GABRG3: variants seen among roughly 807,000 people sequenced by gnomAD.
GABRG3 encodes gamma-aminobutyric acid type A receptor subunit gamma3, also known as gamma-aminobutyric acid receptor subunit gamma-3.
In GABRG3, 25 loss-of-function variants were observed where a neutral mutation model predicts 48.8. The observed-to-expected ratio is 0.51, with a 90% CI of 0.37 to 0.72. GABRG3 has a LOEUF of 0.72. Among genes scored for constraint, GABRG3 ranks in the 30% least tolerant of loss-of-function variants. GABRG3 has a pLI of 0.00. For synonymous variants in GABRG3, 227 were observed against 217.6 expected (o/e 1.04, Z -0.38); for missense variants, 394 against 577.9 (o/e 0.68, Z 3.26).
intron 5 of GABRG3, among the ~76,000 whole-genome samples, chr15:27,418,300 C>G (rs1888004567): frequency 6.6e-6 from 1 of 152,176 alleles, no homozygotes; most frequent in South Asian, 2.1e-4. Context: ...GGAGCAATCT[C>G]CTGGGAATTA....
chr15:27,071,542 C>T (rs1256272804), intron 3 of GABRG3, among the ~76,000 whole-genome samples: 7 of 152,322 alleles, frequency 4.6e-5, no homozygotes, highest in South Asian at 2.1e-4. Context: ...CTTTCAGTAC[C>T]GTGTCCATAG....
At chr15:27,386,199 T>C (rs934555294) in intron 5 of GABRG3, among the ~76,000 whole-genome samples, 3 of 152,200 alleles carry the variant, frequency 2.0e-5, no homozygotes, top group African/African-American at 4.8e-5. Context: ...CACACTTTAC[T>C]GGTGACAACT....
intron 5 of GABRG3, among the ~76,000 whole-genome samples, chr15:27,450,733 G>C (rs57856249): frequency 1.3e-4 from 20 of 151,834 alleles, no homozygotes; most frequent in South Asian, 4.2e-4. Context: ...TGTCGGGGGT[G>C]GGGGGGTGGC....
At position 27,499,086 on chromosome 15, in the gene GABRG3, G is replaced by A. The variant is rs1247300095; in HGVS notation, c.712+18299G>A. Among the ~76,000 whole-genome samples, 5 of 152,056 alleles carry A rather than the reference G, an allele frequency of 3.3e-5. No individual in the cohort carries two copies. The East Asian group carries it at 5.8e-4, about 18-fold the overall frequency. The stretch of plus-strand genomic sequence containing the variant: ...CAGTGGTGCTAAGGGCGGTGTTTTC[G>A]GCATCCCAAGATAACCAACCTCATA... On this transcript the variant is annotated intron_variant, in intron 6 of 9. Transcript: ENST00000615808.
intron 3 of GABRG3, among the ~76,000 whole-genome samples, chr15:27,254,413 AT>A (rs1485701251): frequency 6.6e-6 from 1 of 151,016 alleles, no homozygotes; most frequent in Non-Finnish European, 1.5e-5. Flanking sequence ...AGGGAGTTGC[AT>A]TTTCTAGTTT....
intron 5 of GABRG3, among the ~76,000 whole-genome samples, chr15:27,403,350 T>C (rs1468723666): frequency 6.6e-6 from 1 of 152,120 alleles, no homozygotes; most frequent in Non-Finnish European, 1.5e-5. Flanking sequence ...AGCAATGATG[T>C]TGGAAGCAAT....
intron 3 of GABRG3, among the ~76,000 whole-genome samples, chr15:27,145,432 G>A (rs1280219384): frequency 6.6e-6 from 1 of 152,120 alleles, no homozygotes; most frequent in Non-Finnish European, 1.5e-5. Context: ...GTACTCAACA[G>A]CAGATGTGAA....
At chr15:27,256,644 G>A (rs1890631299) in intron 3 of GABRG3, among the ~76,000 whole-genome samples, 1 of 152,028 alleles carries the variant, frequency 6.6e-6, no homozygotes, top group African/African-American at 2.4e-5. Context: ...TTAACAAAAC[G>A]TGGTCAGTTG....
intron 3 of GABRG3, among the ~76,000 whole-genome samples, chr15:27,191,816 A>G (rs1446914538): frequency 2.7e-5 from 4 of 149,824 alleles, no homozygotes; most frequent in African/African-American, 9.8e-5. Flanking sequence ...GTTTCTTCCT[A>G]GTCTCGATGG....
At chr15:26,980,783 C>T (rs903181191) in intron 2 of GABRG3, among the ~76,000 whole-genome samples, 1 of 151,568 alleles carries the variant, frequency 6.6e-6, no homozygotes, top group African/African-American at 2.4e-5. Flanking sequence ...TAATTTCATC[C>T]CATGAATTTT....
In GABRG3 at chr15:27,325,885, G is replaced by A. The variant is rs540402661; in HGVS notation, c.271-924G>A. On this transcript the variant is annotated intron_variant, in intron 3 of 9. Transcript: ENST00000615808. ...TTGAGAATCAAAAAATTCAGACTCT[G>A]CAAAAGTAATATGTTTATAATATCT... Among the ~76,000 whole-genome samples the A allele has an allele frequency of 2.6e-5, 4 of 152,282 alleles. No individual in the cohort carries two copies. The South Asian group carries it at 8.3e-4, about 32-fold the overall frequency.
intron 3 of GABRG3, among the ~76,000 whole-genome samples, chr15:27,137,020 C>G (rs948419011): frequency 1.3e-5 from 2 of 152,242 alleles, no homozygotes; most frequent in Non-Finnish European, 2.9e-5. Flanking sequence ...CAAGCCCCAG[C>G]TCTCGCCGCT....
rs368319222 is a variant in GABRG3, at chr15:26,976,864, G to C, written c.54-138G>C. 1.7e-5 allele frequency: 12 copies of C among 709,704 alleles called. No individual in the cohort carries two copies. Among genetic ancestry groups the C allele is most frequent in the Admixed American group, 3.0e-5 (1 of 33,626 alleles). The allele number at this position is 709,704 out of a possible 1,614,324, so 44.0% of individuals were successfully genotyped here. The stretch of plus-strand genomic sequence containing the variant: ...TTCTTTCTTTTTAGAAAATATTTTC[G>C]GGTTTTCACGTGTGTGGTTGGGCTG... On this transcript the variant is annotated intron_variant, in intron 1 of 9. Coordinates refer to ENST00000615808, the MANE Select transcript of GABRG3 (RefSeq NM_033223.5). The surrounding 1 kb of genome is among the most constrained non-coding windows in gnomAD (Gnocchi z 7.8).
chr15:27,424,774 G>A (rs1169011786), intron 5 of GABRG3, among the ~76,000 whole-genome samples: 8 of 152,004 alleles, frequency 5.3e-5, no homozygotes, highest in African/African-American at 1.7e-4. Context: ...GGCTGGTCTC[G>A]AACTCCTGAC....
intron 5 of GABRG3, among the ~76,000 whole-genome samples, chr15:27,376,203 G>A (rs1164777727): frequency 6.6e-6 from 1 of 152,248 alleles, no homozygotes; most frequent in African/African-American, 2.4e-5. Context: ...ACTCATGCAA[G>A]AGGTAGACTC....
At chr15:27,115,804 T>G in intron 3 of GABRG3, among the ~76,000 whole-genome samples, 1 of 152,206 alleles carries the variant, frequency 6.6e-6, no homozygotes, top group Admixed American at 6.5e-5. Context: ...AATTTTCAAT[T>G]TTCAAATCAA....
intron 3 of GABRG3, among the ~76,000 whole-genome samples, chr15:27,102,749 A>G (rs922029044): frequency 9.8e-5 from 15 of 152,336 alleles, no homozygotes; most frequent in African/African-American, 2.9e-4. Context: ...AAGTACTAAC[A>G]AGTAAATAGA....
intron 2 of GABRG3, among the ~76,000 whole-genome samples, chr15:26,980,468 G>C (rs1415094352): frequency 2.0e-5 from 3 of 152,046 alleles, no homozygotes; most frequent in African/African-American, 7.2e-5. Flanking sequence ...ACGAGGTCAG[G>C]AGATCAAGGC....
intron 3 of GABRG3, among the ~76,000 whole-genome samples, chr15:27,185,012 G>C (rs1217393633): frequency 1.3e-5 from 2 of 151,364 alleles, no homozygotes; most frequent in Non-Finnish European, 2.9e-5. Flanking sequence ...TTCCTCTATT[G>C]TTTTCTATTT....
Sources: gnomAD v4.1 joint callset for allele counts (sites outside exome capture counted in the v4.1 genomes callset) on GRCh38, gnomAD v4.1.1 for gene constraint, Gnocchi (gnomAD v3.1) non-coding constraint, MANE v1.5 for transcripts, NCBI Gene and HGNC (gene_info 2026-07-23, HGNC 2026-07-21) for gene names.